The following CSF2RA variants were observed in gnomAD, a reference collection of about 807,000 sequenced individuals.
CSF2RA encodes colony stimulating factor 2 receptor subunit alpha.
A neutral mutation model predicts 51.6 loss-of-function variants in CSF2RA; 42 were observed. The observed-to-expected ratio is 0.81, with a 90% CI of 0.64 to 1.05. The LOEUF (loss-of-function observed/expected upper bound fraction) is 1.05, where lower values mean the gene tolerates loss of function less well. CSF2RA is among the 50% of genes least tolerant of loss of function. CSF2RA has a pLI of 0.00. For missense variants in CSF2RA, 530 were observed against 501.1 expected, an observed-to-expected ratio of 1.06 and a Z score of -0.55; for synonymous variants, 222 against 193.0, an observed-to-expected ratio of 1.15 and a Z score of -1.24.
At chrX:1,299,192 T>C (rs1260846760) in intron 9 of CSF2RA, among the ~76,000 whole-genome samples, 5 of 152,156 alleles carry the variant, frequency 3.3e-5, no homozygotes, top group African/African-American at 1.2e-4. Context: ...CTCTTTCCTC[T>C]ACGTGGGTTA....
rs2092305655 is a variant in CSF2RA, at chrX:1,300,636, G to A, written c.946+10G>A. 3 of 1,613,886 alleles carry A rather than the reference G, an allele frequency of 1.9e-6. No individual in the cohort carries two copies. In the African/African-American group the frequency reaches 4.0e-5, roughly 22 times the overall value. The stretch of plus-strand genomic sequence containing the variant: ...GAAGCCATTGAATTTGGTAAGCGTT[G>A]GGCGGAGGTAAGGGATGTTTGTGCC... On this transcript the variant is annotated intron_variant, in intron 10 of 12. Coordinates refer to ENST00000381529, the MANE Select transcript of CSF2RA (RefSeq NM_172245.4).
chrX:1,314,503 C>T (rs112078642), downstream of CSF2RA, among the ~76,000 whole-genome samples: 8,420 of 124,786 alleles, frequency 0.067, 509 homozygotes, highest in East Asian at 0.23. Flanking sequence ...CTGTGCCTGC[C>T]CAACCGCACT....
At chrX:1,283,921 G>C (rs748989752) in intron 3 of CSF2RA, among the ~76,000 whole-genome samples, 38 of 152,122 alleles carry the variant, frequency 2.5e-4, no homozygotes, top group African/African-American at 8.7e-4. Context: ...TGGAATGATA[G>C]CTCATTGTGG....
At chrX:1,277,528 G>A (rs1463950270) in intron 2 of CSF2RA, among the ~76,000 whole-genome samples, 1 of 138,100 alleles carries the variant, frequency 7.2e-6, no homozygotes, top group Non-Finnish European at 1.5e-5. Flanking sequence ...CCCGGGAGGC[G>A]ATGCTTGCAG....
At chrX:1,284,190 T>C (rs1316989518) in intron 3 of CSF2RA, among the ~76,000 whole-genome samples, 2 of 117,860 alleles carry the variant, frequency 1.7e-5, no homozygotes, top group African/African-American at 3.4e-5. Flanking sequence ...TCTTTCTCTG[T>C]CTCTCTTTTT....
At chrX:1,305,075 C>A (rs1461666430) in intron 11 of CSF2RA, among the ~76,000 whole-genome samples, 3 of 151,186 alleles carry the variant, frequency 2.0e-5, no homozygotes, top group East Asian at 3.9e-4. Flanking sequence ...CTCACTGCAA[C>A]CTCCACCTCC....
intron 11 of CSF2RA, among the ~76,000 whole-genome samples, chrX:1,304,814 A>G (rs1389228103): frequency 6.6e-6 from 1 of 150,552 alleles, no homozygotes; most frequent in Non-Finnish European, 1.5e-5. Flanking sequence ...ACAGGCATGC[A>G]CCACGATGCT....
At chrX:1,309,207 C>G (rs186545037) in intron 12 of CSF2RA, among the ~76,000 whole-genome samples, 195 bp from the exon 13 acceptor site, 120 of 152,138 alleles carry the variant, frequency 7.9e-4, no homozygotes, top group Non-Finnish European at 1.3e-3. Context: ...CCCAGCTACT[C>G]AGGAGGCTGA....
At chrX:1,289,125 C>A (rs1339363652) in intron 6 of CSF2RA, 3 of 571,612 alleles carry the variant, frequency 5.2e-6, no homozygotes, top group African/African-American at 3.8e-5. Flanking sequence ...CCACACCAGG[C>A]CACATCTATG....
Position 1,309,864 on chromosome X carries a change from C to A in CSF2RA, c.*385C>A. On this transcript the variant is annotated 3_prime_UTR_variant, in exon 13 of 13. Coordinates refer to ENST00000381529, the MANE Select transcript of CSF2RA (RefSeq NM_172245.4). ...GATCGCACCATTGCACACCAACCTGCGTGACAGAGCAAGATTGCATCTCAA... is the reference window on the plus strand; with the variant it reads ...GATCGCACCATTGCACACCAACCTGAGTGACAGAGCAAGATTGCATCTCAA... 1 of 591,448 alleles carries A rather than the reference C, an allele frequency of 1.7e-6. No individual in the cohort carries two copies. The highest frequency in any genetic ancestry group is 4.4e-4 in the Middle Eastern group (1 of 2,256). The allele number at this position is 591,448 out of a possible 1,614,324, so 36.6% of individuals were successfully genotyped here.
At position 1,296,048 on chromosome X, in the gene CSF2RA, C is replaced by A. The variant is rs769397538; in HGVS notation, c.810+592C>A. Among the ~76,000 whole-genome samples the A allele has an allele frequency of 4.0e-5, 6 of 148,464 alleles. No individual in the cohort carries two copies. The East Asian group carries it at 1.0e-3, about 26-fold the overall frequency. On this transcript the variant is annotated intron_variant, in intron 9 of 12. Transcript: ENST00000381529. ...ACAGTTCCCTATTCATGACCCCTAG[C>A]GTAACCATACAGTCCCCTACCCATG...
intron 6 of CSF2RA, among the ~76,000 whole-genome samples, chrX:1,289,275 ACTCCAC>A (rs2091102980): frequency 6.6e-6 from 1 of 151,816 alleles, no homozygotes; most frequent in Non-Finnish European, 1.5e-5. Flanking sequence ...CTACAGGTGC[ACTCCAC>A]CACACCTGTC....
intron 11 of CSF2RA, 133 bp from the exon 12 acceptor site, chrX:1,305,313 G>C: frequency 2.0e-6 from 2 of 1,023,234 alleles, no homozygotes; most frequent in East Asian, 2.5e-5. Context: ...TCGTCACTTG[G>C]TGATTCTTAG....
chrX:1,272,370 G>C (rs2088545610), intron 1 of CSF2RA, among the ~76,000 whole-genome samples: 1 of 127,760 alleles, frequency 7.8e-6, no homozygotes, highest in Non-Finnish European at 1.7e-5. Context: ...ATAGGGGATT[G>C]GATCCTGGTA....
intron 8 of CSF2RA, 28 bp from the exon 9 acceptor site, chrX:1,295,399 C>CTTGTG: frequency 6.2e-7 from 1 of 1,613,416 alleles, no homozygotes; most frequent in South Asian, 1.1e-5. Context: ...AACAGTGAGC[C>CTTGTG]TTGTGTTGTG....
At chrX:1,311,764 A>C (rs1394318418), downstream of CSF2RA, among the ~76,000 whole-genome samples, 3 of 152,022 alleles carry the variant, frequency 2.0e-5, no homozygotes, top group Non-Finnish European at 4.4e-5. Context: ...TTTAAAATAC[A>C]TCACCCAGCC....
chrX:1,292,092 C>T (rs1454742020), intron 7 of CSF2RA, among the ~76,000 whole-genome samples: 5 of 150,268 alleles, frequency 3.3e-5, no homozygotes, highest in South Asian at 2.1e-4. Context: ...GGAGACCCTG[C>T]ACCACCTCCA....
intron 9 of CSF2RA, among the ~76,000 whole-genome samples, chrX:1,299,299 C>G (rs2092218529): frequency 6.6e-6 from 1 of 152,174 alleles, no homozygotes; most frequent in Non-Finnish European, 1.5e-5. Context: ...GTCTCGCGGC[C>G]ACTCTGACCC....
intron 12 of CSF2RA, among the ~76,000 whole-genome samples, chrX:1,308,229 C>G (rs1317821687): frequency 3.3e-5 from 5 of 152,226 alleles, no homozygotes; most frequent in South Asian, 2.1e-4. Flanking sequence ...GGACTGTAGC[C>G]TAGTCACGGG....
Sources: allele counts gnomAD v4.1 joint callset (sites outside exome capture counted in the v4.1 genomes callset), GRCh38; gene constraint gnomAD v4.1.1; transcripts MANE v1.5; gene names NCBI Gene and HGNC (gene_info 2026-07-23, HGNC 2026-07-21).